PHACTR1: variants seen among roughly 807,000 people sequenced by gnomAD.
The protein encoded by PHACTR1 is RPEL repeat containing 1.
Under a neutral mutation model 69.2 loss-of-function variants are expected in PHACTR1, and 16 were observed. The observed-to-expected ratio is 0.23, with a 90% CI of 0.16 to 0.35. PHACTR1 has a LOEUF of 0.35. Among genes scored for constraint, PHACTR1 ranks in the 10% least tolerant of loss-of-function variants. The pLI, the probability that PHACTR1 is intolerant of heterozygous loss-of-function variation, is 1.00. For synonymous variants in PHACTR1, 312 were observed against 284.5 expected, an observed-to-expected ratio of 1.10 and a Z score of -0.97; for missense variants, 510 against 734.7, an observed-to-expected ratio of 0.69 and a Z score of 3.54.
intron 5 of PHACTR1, among the ~76,000 whole-genome samples, chr6:13,101,264 A>G (rs149514018): frequency 6.6e-6 from 1 of 152,368 alleles, no homozygotes; most frequent in African/African-American, 2.4e-5. Flanking sequence ...AGCAGAACTC[A>G]CTTCTATAAC....
At chr6:12,778,930 TGGCTTAAGCCACA>T (rs1257201239) in intron 4 of PHACTR1, among the ~76,000 whole-genome samples, 1 of 152,228 alleles carries the variant, frequency 6.6e-6, no homozygotes, top group Non-Finnish European at 1.5e-5. Context: ...CCAGGGCTCA[TGGCTTAAGCCACA>T]GGGGCCAGGC....
At chr6:12,949,166 A>G (rs1291567577) in intron 4 of PHACTR1, among the ~76,000 whole-genome samples, 1 of 151,438 alleles carries the variant, frequency 6.6e-6, no homozygotes, top group African/African-American at 2.4e-5. Context: ...GCTACTTGGG[A>G]GACTGAGGCA....
intron 4 of PHACTR1, among the ~76,000 whole-genome samples, chr6:12,878,222 C>T (rs1782735229): frequency 6.6e-6 from 1 of 152,182 alleles, no homozygotes. Context: ...GATGTTTTGC[C>T]ATGAGTACAA....
chr6:12,794,553 T>C (rs1015595714), intron 4 of PHACTR1, among the ~76,000 whole-genome samples: 2 of 152,270 alleles, frequency 1.3e-5, no homozygotes, highest in African/African-American at 2.4e-5. Context: ...CAGTTGGAAT[T>C]AATTTTGATA....
At chr6:12,953,200 G>A (rs913057216) in intron 4 of PHACTR1, among the ~76,000 whole-genome samples, 1 of 152,144 alleles carries the variant, frequency 6.6e-6, no homozygotes, top group African/African-American at 2.4e-5. Flanking sequence ...GCTGGCACCT[G>A]TAATCCCAGC....
intron 4 of PHACTR1, among the ~76,000 whole-genome samples, chr6:12,844,041 A>G (rs1778953722): frequency 6.6e-6 from 1 of 152,224 alleles, no homozygotes; most frequent in South Asian, 2.1e-4. Context: ...ACTAAAAGTT[A>G]TTTCTTAGTT....
chr6:13,234,840 T>G (rs4711945), intron 10 of PHACTR1, among the ~76,000 whole-genome samples: 31,667 of 152,136 alleles, frequency 0.21, 5,058 homozygotes, highest in African/African-American at 0.43. Context: ...GGGTTCACGT[T>G]GCTCCTCCTC....
At chr6:13,194,772 T>G (rs183949317) in intron 7 of PHACTR1, among the ~76,000 whole-genome samples, 4 of 152,290 alleles carry the variant, frequency 2.6e-5, no homozygotes, top group African/African-American at 9.6e-5. Flanking sequence ...ATATCTACAA[T>G]TATTATTTGT....
At chr6:12,956,890 C>T (rs1011177343) in intron 4 of PHACTR1, among the ~76,000 whole-genome samples, 5 of 152,118 alleles carry the variant, frequency 3.3e-5, no homozygotes, top group African/African-American at 1.2e-4. Flanking sequence ...AAGCTGCTAC[C>T]GTCCCATCCT....
intron 4 of PHACTR1, among the ~76,000 whole-genome samples, chr6:12,907,990 G>A (rs1785935620): frequency 2.0e-5 from 3 of 152,192 alleles, no homozygotes; most frequent in Admixed American, 6.5e-5. Context: ...GTCCATCTAT[G>A]TGATTCTTGA....
chr6:13,287,761 G>A lies in PHACTR1; in HGVS notation c.*683G>A, dbSNP rs1046932931. On this transcript the variant is annotated 3_prime_UTR_variant, in exon 15 of 15. Transcript: ENST00000332995. ...CCATCCTGCTCCCTCTGCCTGAGCTGAGCTGCCTTTCAGGAAGCTCTGGTT... is the reference window on the plus strand; with the variant it reads ...CCATCCTGCTCCCTCTGCCTGAGCTAAGCTGCCTTTCAGGAAGCTCTGGTT... The A allele has an allele frequency of 6.5e-6, 1 of 153,072 alleles. No homozygotes were observed. The highest frequency in any genetic ancestry group is 2.4e-5 in the African/African-American group (1 of 41,454). 9.5% of individuals were successfully genotyped at this position (153,072 alleles called of 1,614,324 possible).
Position 13,283,953 on chromosome 6 carries a change from C to A in PHACTR1, c.1650+391C>A. ...GGATTCACCAAACCAAAAGAGAAGA[C>A]AAAGTAGACGCATAACCCCAGGAGG... On this transcript the variant is annotated intron_variant, in intron 13 of 14. Coordinates refer to ENST00000332995, the MANE Select transcript of PHACTR1 (RefSeq NM_030948.6). This position sits in a 1 kb window ranked among gnomAD's most constrained non-coding sequence, Gnocchi z 4.7. The A allele has an allele frequency of 4.7e-6, 1 of 210,786 alleles. No individual in the cohort carries two copies. The highest frequency in any genetic ancestry group is 9.7e-6 in the Non-Finnish European group (1 of 102,822). The allele number at this position is 210,786 out of a possible 1,614,324, so 13.1% of individuals were successfully genotyped here. A position where few individuals can be genotyped will look rare whatever the true frequency, so the allele number is the denominator to read the frequency against.
At chr6:13,022,984 T>G (rs1046501910) in intron 4 of PHACTR1, among the ~76,000 whole-genome samples, 15 of 151,980 alleles carry the variant, frequency 9.9e-5, no homozygotes, top group Admixed American at 5.9e-4. Context: ...ACCACTGCAC[T>G]CCAGGCTGGG....
intron 4 of PHACTR1, among the ~76,000 whole-genome samples, chr6:12,851,780 C>A (rs1779851490): frequency 6.6e-6 from 1 of 152,064 alleles, no homozygotes; most frequent in African/African-American, 2.4e-5. Flanking sequence ...TCATGTATTC[C>A]ATGATCTTTG....
chr6:13,085,019 A>G (rs953214889), intron 5 of PHACTR1, among the ~76,000 whole-genome samples: 3 of 152,148 alleles, frequency 2.0e-5, no homozygotes, highest in Non-Finnish European at 4.4e-5. Context: ...GTCCGCAATT[A>G]CAATACATGT....
intron 4 of PHACTR1, among the ~76,000 whole-genome samples, chr6:13,023,543 A>G (rs1472790992): frequency 6.6e-6 from 1 of 152,182 alleles, no homozygotes; most frequent in East Asian, 1.9e-4. Context: ...GGGGGGAAAA[A>G]GTTCCCGTTC....
chr6:12,730,995 T>C, intron 3 of PHACTR1, among the ~76,000 whole-genome samples: 1 of 142,776 alleles, frequency 7.0e-6, no homozygotes, highest in Non-Finnish European at 1.5e-5. Context: ...TTTTTATTTA[T>C]TTATTTATTT....
At chr6:13,048,452 C>T (rs1805413847) in intron 4 of PHACTR1, among the ~76,000 whole-genome samples, 1 of 151,792 alleles carries the variant, frequency 6.6e-6, no homozygotes, top group Admixed American at 6.6e-5. Flanking sequence ...TGCCTTCATC[C>T]CTTTCTTTCT....
At chr6:12,873,863 A>G (rs887797975) in intron 4 of PHACTR1, among the ~76,000 whole-genome samples, 2 of 152,184 alleles carry the variant, frequency 1.3e-5, no homozygotes, top group Non-Finnish European at 2.9e-5. Context: ...TGCAGCCTCT[A>G]CTTGGTTTTT....
Sources: allele counts gnomAD v4.1 joint callset (sites outside exome capture counted in the v4.1 genomes callset), GRCh38; gene constraint gnomAD v4.1.1; non-coding constraint Gnocchi (gnomAD v3.1); transcripts MANE v1.5; gene names NCBI Gene and HGNC (gene_info 2026-07-23, HGNC 2026-07-21).